Variants in CCDC60 observed in about 807,000 individuals in gnomAD.
The protein encoded by CCDC60 is coiled-coil domain-containing protein 60.
Under a neutral mutation model 63.5 loss-of-function variants are expected in CCDC60, and 54 were observed. That is an observed-to-expected ratio of 0.85 (90% confidence interval 0.68 to 1.07). CCDC60 has a LOEUF of 1.07. CCDC60 is among the 50% of genes least tolerant of loss of function. The pLI, the probability that CCDC60 is intolerant of heterozygous loss-of-function variation, is 0.00. For missense variants in CCDC60, 651 were observed against 684.3 expected (o/e 0.95, Z 0.54); for synonymous variants, 206 against 238.8 (o/e 0.86, Z 1.27).
intron 1 of CCDC60, among the ~76,000 whole-genome samples, chr12:119,427,988 AT>A (rs549445820): frequency 4.6e-5 from 7 of 152,158 alleles, no homozygotes; most frequent in African/African-American, 7.2e-5. Flanking sequence ...TCTAAAAAAA[AT>A]AAATAAAAAT....
intron 13 of CCDC60, among the ~76,000 whole-genome samples, chr12:119,540,381 G>A (rs897728715): frequency 2.0e-5 from 3 of 152,122 alleles, no homozygotes; most frequent in African/African-American, 7.2e-5. Context: ...TCCTTGCATC[G>A]ATAGCAACAA....
rs367993040 is a variant in CCDC60, at chr12:119,512,025, G to A, written c.884-4598G>A. ...AAATTGAGAGCTGGAGTAGAAAATG[G>A]CTTAATGCTGACATTTATCACAGCC... On this transcript the variant is annotated intron_variant, in intron 7 of 13. Coordinates refer to ENST00000327554, the MANE Select transcript of CCDC60 (RefSeq NM_178499.5). 1.1e-4 allele frequency among the ~76,000 whole-genome samples: 16 copies of A among 152,318 alleles called. No individual in the cohort carries two copies. The South Asian group carries it at 3.1e-3, about 30-fold the overall frequency.
chr12:119,339,581 G>A (rs2136140876), intron 1 of CCDC60, among the ~76,000 whole-genome samples: 1 of 152,276 alleles, frequency 6.6e-6, no homozygotes, highest in African/African-American at 2.4e-5. Flanking sequence ...GAGCCCAGGA[G>A]TTTGAGACAA....
At chr12:119,408,845 T>C (rs1348974237) in intron 1 of CCDC60, among the ~76,000 whole-genome samples, 1 of 150,884 alleles carries the variant, frequency 6.6e-6, no homozygotes, top group South Asian at 2.1e-4. Flanking sequence ...CAAAGAGTAA[T>C]AGCAATAACC....
chr12:119,388,938 G>C (rs948056467), intron 1 of CCDC60, among the ~76,000 whole-genome samples: 1 of 152,206 alleles, frequency 6.6e-6, no homozygotes, highest in African/African-American at 2.4e-5. Flanking sequence ...AAACAGCATA[G>C]GGATCAGCTC....
intron 13 of CCDC60, among the ~76,000 whole-genome samples, chr12:119,534,093 G>A (rs1012796314): frequency 3.3e-5 from 5 of 152,002 alleles, no homozygotes; most frequent in East Asian, 1.9e-4. Context: ...CTTTTATTTC[G>A]TTGAGCAGTG....
chr12:119,414,314 C>T (rs1258203560), intron 1 of CCDC60, among the ~76,000 whole-genome samples: 1 of 151,940 alleles, frequency 6.6e-6, no homozygotes, highest in African/African-American at 2.4e-5. Context: ...CCACCACGCC[C>T]GGCCACTCTT....
At chr12:119,448,809 C>T (rs1245878347) in intron 2 of CCDC60, among the ~76,000 whole-genome samples, 1 of 152,176 alleles carries the variant, frequency 6.6e-6, no homozygotes, top group Non-Finnish European at 1.5e-5. Flanking sequence ...TGCTGCCTTC[C>T]AGAAATCACC....
rs1392927102 is a variant in CCDC60, at chr12:119,456,315, C to T, written c.171-15679C>T. Among the ~76,000 whole-genome samples the T allele has an allele frequency of 1.3e-5, 2 of 152,196 alleles. No homozygotes were observed. Among genetic ancestry groups the T allele is most frequent in the African/African-American group, 4.8e-5 (2 of 41,442 alleles). ...AGGAAGGAAAAGACCTGGTGGGAAACTACCTAAAGTAAATGATGGTTTCTG... is the reference window on the plus strand; with the variant it reads ...AGGAAGGAAAAGACCTGGTGGGAAATTACCTAAAGTAAATGATGGTTTCTG... On this transcript the variant is annotated intron_variant, in intron 2 of 13. Coordinates refer to ENST00000327554, the MANE Select transcript of CCDC60 (RefSeq NM_178499.5). The surrounding 1 kb of genome is among the most constrained non-coding windows in gnomAD (Gnocchi z 4.6).
intron 4 of CCDC60, among the ~76,000 whole-genome samples, chr12:119,481,870 G>A (rs868374361): frequency 1.3e-5 from 2 of 151,140 alleles, no homozygotes; most frequent in African/African-American, 4.9e-5. Context: ...TTCCATTCCT[G>A]AGTTACTTCA....
chr12:119,374,303 T>C (rs1955929363), intron 1 of CCDC60, among the ~76,000 whole-genome samples: 1 of 152,178 alleles, frequency 6.6e-6, no homozygotes, highest in Admixed American at 6.5e-5. Context: ...ACACCACTCA[T>C]CCATGGCAGC....
At chr12:119,524,903 C>A (rs1235578177) in intron 11 of CCDC60, among the ~76,000 whole-genome samples, 1 of 151,688 alleles carries the variant, frequency 6.6e-6, no homozygotes, top group Admixed American at 6.6e-5. Context: ...TGGCCTCAAG[C>A]AGTCCTCTCA....
intron 1 of CCDC60, among the ~76,000 whole-genome samples, chr12:119,400,012 C>T (rs1235521838): frequency 2.6e-5 from 4 of 152,104 alleles, no homozygotes; most frequent in African/African-American, 9.6e-5. Context: ...TGTGTCACTC[C>T]CACCTTAGTA....
chr12:119,500,748 G>A (rs1951832962), intron 6 of CCDC60, among the ~76,000 whole-genome samples: 1 of 152,124 alleles, frequency 6.6e-6, no homozygotes, highest in African/African-American at 2.4e-5. Flanking sequence ...CAGGTATTAG[G>A]GAGGCTGAAG....
chr12:119,463,370 A>G (rs1950893920), intron 2 of CCDC60, among the ~76,000 whole-genome samples: 1 of 152,204 alleles, frequency 6.6e-6, no homozygotes, highest in Admixed American at 6.5e-5. Flanking sequence ...AAACATCCTG[A>G]CCATCTACCA....
intron 5 of CCDC60, among the ~76,000 whole-genome samples, chr12:119,489,558 T>C (rs918754635): frequency 6.6e-6 from 1 of 152,158 alleles, no homozygotes. Context: ...GGAACAGCAT[T>C]GTACACACAG....
chr12:119,501,340 T>C (rs962063042), intron 6 of CCDC60, among the ~76,000 whole-genome samples: 1 of 152,184 alleles, frequency 6.6e-6, no homozygotes, highest in African/African-American at 2.4e-5. Context: ...AATAACCCTA[T>C]GGGGCACTAT....
intron 12 of CCDC60, 65 bp from the exon 13 acceptor site, chr12:119,530,809 G>T: frequency 7.2e-7 from 1 of 1,384,450 alleles, no homozygotes; most frequent in Admixed American, 2.0e-5. Flanking sequence ...AGTGGAGATG[G>T]ATGGCCAGAG....
In CCDC60 at chr12:119,480,770, CCAT is replaced by C. The variant is rs1300627393; in HGVS notation, c.449+1578_449+1580del. ...ATCATCCTCACCATCATCATCATCA[CCAT>C]CATCATCACCATCATCATCACCACC... On this transcript the variant is annotated intron_variant, in intron 4 of 13. Coordinates refer to ENST00000327554, the MANE Select transcript of CCDC60 (RefSeq NM_178499.5). 9.0e-5 allele frequency among the ~76,000 whole-genome samples: 13 copies of C among 144,308 alleles called. 1 individual carries two copies. The highest frequency in any genetic ancestry group is 7.7e-3 in the Middle Eastern group (2 of 260). The allele number at this position is 144,308 out of a possible 152,430, so 94.7% of individuals were successfully genotyped here.
Sources: gnomAD v4.1 joint callset for allele counts (sites outside exome capture counted in the v4.1 genomes callset) on GRCh38, gnomAD v4.1.1 for gene constraint, Gnocchi (gnomAD v3.1) non-coding constraint, MANE v1.5 for transcripts, NCBI Gene and HGNC (gene_info 2026-07-23, HGNC 2026-07-21) for gene names.